The following UBR2 variants were observed in gnomAD, a reference collection of about 807,000 sequenced individuals.
UBR2 encodes the protein E3 ubiquitin-protein ligase UBR2.
A neutral mutation model predicts 247.9 loss-of-function variants in UBR2; 92 were observed. The ratio of observed to expected loss-of-function variants is 0.37; its 90% CI spans 0.31 to 0.44. UBR2 has a LOEUF of 0.44. UBR2 is among the 20% of genes least tolerant of loss of function. The pLI, the probability that UBR2 is intolerant of heterozygous loss-of-function variation, is 1.00. For missense variants in UBR2, 1,613 were observed against 2,112.6 expected (o/e 0.76, Z 4.64); for synonymous variants, 672 against 693.5 (o/e 0.97, Z 0.49).
intron 42 of UBR2, among the ~76,000 whole-genome samples, chr6:42,681,538 T>G (rs114927752): frequency 0.05 from 7,658 of 152,156 alleles, 247 homozygotes; most frequent in Non-Finnish European, 0.075. Flanking sequence ...GAAATCACAC[T>G]GACATACCAC....
chr6:42,586,536 CTCTTTTT>C (rs1194019641), intron 2 of UBR2, among the ~76,000 whole-genome samples: 18 of 84,072 alleles, frequency 2.1e-4, no homozygotes, highest in African/African-American at 8.5e-4. Context: ...CAGTTTGTCT[CTCTTTTT>C]TTTTTTTTTT....
intron 41 of UBR2, 70 bp from the exon 42 acceptor site, chr6:42,679,654 A>G (rs575978337): frequency 1.2e-5 from 14 of 1,139,330 alleles, no homozygotes; most frequent in East Asian, 1.2e-4. Flanking sequence ...AAACTCTGCT[A>G]TTGCTTAACT....
intron 32 of UBR2, chr6:42,664,169 C>T (rs1797979808): frequency 6.6e-6 from 1 of 151,554 alleles, no homozygotes; most frequent in Non-Finnish European, 1.5e-5. Flanking sequence ...TAAGTGCTTG[C>T]TTCAGCAGCA....
intron 2 of UBR2, among the ~76,000 whole-genome samples, chr6:42,576,354 C>G (rs1165843616): frequency 6.6e-6 from 1 of 152,056 alleles, no homozygotes; most frequent in African/African-American, 2.4e-5. Flanking sequence ...ATTTCCTTCT[C>G]TGACAAGAGA....
chr6:42,658,874 T>C (rs1158182434), intron 29 of UBR2, 50 bp downstream of exon 29: 2 of 1,485,812 alleles, frequency 1.3e-6, no homozygotes, highest in African/African-American at 2.9e-5. Flanking sequence ...TTTTCCCAAC[T>C]AGGGGCAGTG....
In UBR2 at chr6:42,574,013, T is replaced by G; in HGVS notation, c.338+20T>G. ...TTGCAGGTAAAATATTTTAATTTTC[T>G]TTCTAGGAGGCTCTTGTTTTATTTG... is the stretch of plus-strand genomic sequence containing the variant. On this transcript the variant is annotated intron_variant, in intron 2 of 46. Transcript: ENST00000372901. 2 of 1,539,020 alleles carry G rather than the reference T, an allele frequency of 1.3e-6. No homozygotes were observed. The highest frequency in any genetic ancestry group is 1.7e-6 in the Non-Finnish European group (2 of 1,146,792).
At chr6:42,570,629 A>G (rs1791056269) in intron 1 of UBR2, among the ~76,000 whole-genome samples, 1 of 152,014 alleles carries the variant, frequency 6.6e-6, no homozygotes, top group East Asian at 1.9e-4. Context: ...AAAGAGTGAA[A>G]TACTTGCTTG....
chr6:42,642,510 G>T, intron 18 of UBR2, 29 bp downstream of exon 18: 1 of 1,564,172 alleles, frequency 6.4e-7, no homozygotes, highest in South Asian at 1.1e-5. Context: ...TGAACTTAAA[G>T]GTTGTGGGGA....
intron 11 of UBR2, among the ~76,000 whole-genome samples, chr6:42,628,117 C>T (rs1427836290): frequency 6.6e-6 from 1 of 152,124 alleles, no homozygotes. Context: ...AGTTCCCTTT[C>T]TCCCTGGTTT....
In UBR2 at chr6:42,603,690, A is replaced by C. The variant is rs1483039947; in HGVS notation, c.634A>C (p.Ser212Arg). The change falls in exon 5 of 47, where the codon AGT becomes CGT. Residue 212 changes from serine (S) to arginine (R), a missense_variant. By Grantham distance (110) the Ser-to-Arg change is moderately radical. This residue lies in a region of UBR2 where 1,524 missense variants were observed against 1,967.3 expected (regional missense o/e 0.77). Coordinates refer to ENST00000372901, the MANE Select transcript of UBR2 (RefSeq NM_001363705.2). ...AGAAATATTAACCTGGGAAAAAGAAAGTGAATTGCCAGCAGATTTAGAGAT... is the reference window on the plus strand; with the variant it reads ...AGAAATATTAACCTGGGAAAAAGAACGTGAATTGCCAGCAGATTTAGAGAT... ...AVEILTWEKESELPADLEMVE... is the reference protein window; with the variant it reads ...AVEILTWEKERELPADLEMVE... 1 of 1,599,764 alleles carries C rather than the reference A, an allele frequency of 6.3e-7. No homozygotes were observed. Among genetic ancestry groups the C allele is most frequent in the Admixed American group, 1.8e-5 (1 of 55,274 alleles).
intron 36 of UBR2, among the ~76,000 whole-genome samples, chr6:42,672,206 C>T (rs1456952071): frequency 2.0e-5 from 3 of 151,844 alleles, no homozygotes; most frequent in South Asian, 2.1e-4. Flanking sequence ...CTAATTTTTG[C>T]GTTTTTAGTA....
chr6:42,566,192 C>G lies in UBR2; in HGVS notation c.78+1795C>G, dbSNP rs1031274578. On this transcript the variant is annotated intron_variant, in intron 1 of 46. Transcript: ENST00000372901. Reference sequence around the variant, plus strand: ...AAACTATCAAGTGATTAGAGGTTCTCCAATTTGTAGAGGCTCCTGAGGAAA... The same window carrying G: ...AAACTATCAAGTGATTAGAGGTTCTGCAATTTGTAGAGGCTCCTGAGGAAA... Among the ~76,000 whole-genome samples the G allele has an allele frequency of 3.9e-5, 6 of 152,066 alleles. No individual in the cohort carries two copies. In the East Asian group the frequency reaches 7.7e-4, roughly 20 times the overall value.
chr6:42,594,800 G>A (rs1792868630), intron 4 of UBR2, among the ~76,000 whole-genome samples: 3 of 152,048 alleles, frequency 2.0e-5, no homozygotes. Flanking sequence ...TGCTTACTGT[G>A]TTTTTCAAAT....
intron 11 of UBR2, among the ~76,000 whole-genome samples, chr6:42,618,248 A>C (rs981874706): frequency 1.3e-5 from 2 of 152,170 alleles, no homozygotes; most frequent in Non-Finnish European, 2.9e-5. Flanking sequence ...TTTTCTAAGA[A>C]AGGTGCCTTT....
chr6:42,581,179 AT>A (rs1224586720), intron 2 of UBR2, among the ~76,000 whole-genome samples: 1 of 130,198 alleles, frequency 7.7e-6, no homozygotes, highest in Non-Finnish European at 1.6e-5. Flanking sequence ...ATGTTGACTA[AT>A]TTTCTTTTTC....
chr6:42,641,761 A>T, intron 17 of UBR2, 69 bp downstream of exon 17: 1 of 1,275,636 alleles, frequency 7.8e-7, no homozygotes, highest in Non-Finnish European at 1.1e-6. Flanking sequence ...TGTAATTTTC[A>T]GTGGACTTAG....
At chr6:42,610,717 T>A (rs1298890147) in intron 7 of UBR2, among the ~76,000 whole-genome samples, 1 of 152,118 alleles carries the variant, frequency 6.6e-6, no homozygotes, top group Admixed American at 6.5e-5. Flanking sequence ...CTTTATTAGG[T>A]ATTATGGCGA....
intron 32 of UBR2, among the ~76,000 whole-genome samples, chr6:42,664,458 G>A (rs887549868): frequency 4.6e-5 from 7 of 152,096 alleles, no homozygotes; most frequent in Non-Finnish European, 4.4e-5. Context: ...TGCTATCTAC[G>A]TTGCATGCAC....
At chr6:42,604,380 G>C (rs1793566344) in intron 5 of UBR2, among the ~76,000 whole-genome samples, 1 of 152,130 alleles carries the variant, frequency 6.6e-6, no homozygotes, top group South Asian at 2.1e-4. Flanking sequence ...GCTGGAATGA[G>C]GATCTGAGGG....
Sources: gnomAD v4.1 joint callset for allele counts (sites outside exome capture counted in the v4.1 genomes callset) on GRCh38, gnomAD v4.1.1 for gene constraint, gnomAD v4.1.1 regional missense constraint, MANE v1.5 for transcripts, NCBI Gene and HGNC (gene_info 2026-07-23, HGNC 2026-07-21) for gene names.